Variants in CATSPERB observed in about 807,000 individuals in gnomAD.
The protein encoded by CATSPERB is catsper channel auxiliary subunit beta.
Under a neutral mutation model 128.3 loss-of-function variants are expected in CATSPERB, and 93 were observed. The observed-to-expected ratio is 0.72, with a 90% CI of 0.61 to 0.86. The LOEUF is 0.86. Ranked by LOEUF, CATSPERB falls within the 40% of genes least tolerant of loss-of-function variation. The probability of loss-of-function intolerance (pLI) is 0.00; values close to 1 mark genes in which losing one functional copy is unlikely to be tolerated. For synonymous variants in CATSPERB, 381 were observed against 448.8 expected (o/e 0.85, Z 1.91); for missense variants, 1,153 against 1,329.5 (o/e 0.87, Z 2.06).
intron 13 of CATSPERB, 93 bp downstream of exon 13, chr14:91,672,774 C>A: frequency 9.9e-7 from 1 of 1,008,530 alleles, no homozygotes; most frequent in South Asian, 2.1e-5. Context: ...GTTCTATTGC[C>A]AGACATAACA....
intron 26 of CATSPERB, among the ~76,000 whole-genome samples, chr14:91,583,451 CATTT>C (rs1490365707): frequency 6.6e-6 from 1 of 152,120 alleles, no homozygotes; most frequent in Non-Finnish European, 1.5e-5. Flanking sequence ...TTATTTAAGC[CATTT>C]ATTATATTTC....
chr14:91,597,514 G>A (rs1257935343), intron 22 of CATSPERB, among the ~76,000 whole-genome samples: 1 of 152,028 alleles, frequency 6.6e-6, no homozygotes, highest in Admixed American at 6.6e-5. Context: ...GTTCTTTAAT[G>A]CTTCAAGAAA....
intron 13 of CATSPERB, among the ~76,000 whole-genome samples, chr14:91,672,476 G>T (rs1248214627): frequency 6.6e-6 from 1 of 151,956 alleles, no homozygotes; most frequent in Non-Finnish European, 1.5e-5. Context: ...GCTCTAAGAA[G>T]AATTCTAATT....
chr14:91,587,477 CTTTTTTTTT>C (rs3029803), intron 25 of CATSPERB, among the ~76,000 whole-genome samples: 24 of 101,544 alleles, frequency 2.4e-4, no homozygotes, highest in Admixed American at 3.2e-4. Flanking sequence ...ATAGCTGATA[CTTTTTTTTT>C]TTTTTTTTTT....
Position 91,621,693 on chromosome 14 carries a change from A to G in CATSPERB, c.2175T>C (p.Asp725=). 1 of 1,613,872 alleles carries G rather than the reference A, an allele frequency of 6.2e-7. No individual in the cohort carries two copies. The highest frequency in any genetic ancestry group is 8.5e-7 in the Non-Finnish European group (1 of 1,179,716). ...TCACGATGTTGAGGGATGGTGAATC[A>G]TCATGTTGAAACCAATAATTACATG... The part of the protein sequence containing the change: ...SKPCNYWFQH[D]DSPSLNIVKY... Residue 725 remains aspartate, a synonymous_variant, in exon 19 of 27, where the codon GAT becomes GAC. Transcript: ENST00000256343.
rs556692317 is a variant in CATSPERB at position 91,689,242 on chromosome 14, G to GC, written c.864+2280dup. 3.3e-5 allele frequency among the ~76,000 whole-genome samples: 5 copies of GC among 152,292 alleles called. No individual in the cohort carries two copies. The East Asian group carries it at 9.6e-4, about 29-fold the overall frequency. On this transcript the variant is annotated intron_variant, in intron 10 of 26. Transcript: ENST00000256343. ...CTTCCCTAGGATTTCGCGGAGCTCT[G>GC]CCAGCCAAACTCCCTCCAGAATCCT... is the stretch of plus-strand genomic sequence containing the variant.
Position 91,668,951 on chromosome 14 carries a change from G to A in CATSPERB, c.1287+863C>T, listed in dbSNP as rs145117149. 1.4e-3 allele frequency among the ~76,000 whole-genome samples: 219 copies of A among 152,300 alleles called. 1 individual carries two copies. The highest frequency in any genetic ancestry group is 2.4e-3 in the Non-Finnish European group (163 of 68,024). ...AAGTCAGCGAAACCAAGAACCCACC[G>A]GAAGGAACCAATTCCAGACACAATG... On this transcript the variant is annotated intron_variant, in intron 14 of 26. Coordinates refer to ENST00000256343, the MANE Select transcript of CATSPERB (RefSeq NM_024764.4).
chr14:91,606,171 GT>G (rs1893699290), intron 22 of CATSPERB, among the ~76,000 whole-genome samples: 1 of 151,864 alleles, frequency 6.6e-6, no homozygotes, highest in Admixed American at 6.6e-5. Context: ...GCAAGACTCC[GT>G]CTCAAACAAA....
intron 19 of CATSPERB, among the ~76,000 whole-genome samples, chr14:91,617,954 TCA>T (rs1328254468): frequency 6.6e-6 from 1 of 152,168 alleles, no homozygotes; most frequent in Non-Finnish European, 1.5e-5. Flanking sequence ...TTCTTGAATC[TCA>T]CACAAGAAAG....
intron 24 of CATSPERB, among the ~76,000 whole-genome samples, 187 bp downstream of exon 24, chr14:91,589,347 T>A (rs2139758150): frequency 6.6e-6 from 1 of 152,360 alleles, no homozygotes; most frequent in Middle Eastern, 3.4e-3. Context: ...TCCAGGCCAC[T>A]GGGAGTGATG....
Position 91,669,835 on chromosome 14 carries a change from A to G in CATSPERB, c.1266T>C (p.Phe422=), listed in dbSNP as rs930464012. 2 of 1,612,804 alleles carry G rather than the reference A, an allele frequency of 1.2e-6. No individual in the cohort carries two copies. Among genetic ancestry groups the G allele is most frequent in the Non-Finnish European group, 1.7e-6 (2 of 1,179,634 alleles). The change falls in exon 14 of 27, where the codon TTT becomes TTC. Residue 422 remains phenylalanine (F), a synonymous_variant. Transcript: ENST00000256343. The stretch of plus-strand genomic sequence containing the variant: ...GCACCTGATTGCCATAAGCATACAA[A>G]AAGTGGCTTCGGGGATGAAATACCA... ...VGMVFHPRSH[F]LYAYGNQIWL...
At position 91,621,977 on chromosome 14, in the gene CATSPERB, A is replaced by T. The variant is rs143141864; in HGVS notation, c.1931-40T>A. 438 of 1,385,742 alleles carry T rather than the reference A, an allele frequency of 3.2e-4. 1 individual carries two copies. In the African/African-American group the frequency reaches 5.8e-3, roughly 18 times the overall value. The allele number at this position is 1,385,742 out of a possible 1,614,324, so 85.8% of individuals were successfully genotyped here. A position where few individuals can be genotyped will look rare whatever the true frequency, so the allele number is the denominator to read the frequency against. ...GAAGAGACTTGGTATTAAATCAAAC[A>T]TCCGATGTTTGCCAAACAAACTGAT... is the stretch of plus-strand genomic sequence containing the variant. On this transcript the variant is annotated intron_variant, in intron 18 of 26. Transcript: ENST00000256343.
chr14:91,589,330 C>T (rs1035788698), intron 24 of CATSPERB, among the ~76,000 whole-genome samples: 1 of 152,108 alleles, frequency 6.6e-6, no homozygotes, highest in Non-Finnish European at 1.5e-5. Flanking sequence ...ATGCTTTTAC[C>T]CTAGAATCCA....
chr14:91,645,529 G>T lies in CATSPERB; in HGVS notation c.1433-6279C>A, dbSNP rs1322847946. Among the ~76,000 whole-genome samples the T allele has an allele frequency of 6.9e-5, 7 of 101,446 alleles. No homozygotes were observed. In the South Asian group the frequency reaches 1.4e-3, roughly 21 times the overall value. 66.6% of individuals were successfully genotyped at this position (101,446 alleles called of 152,430 possible). A position where few individuals can be genotyped will look rare whatever the true frequency, so the allele number is the denominator to read the frequency against. On this transcript the variant is annotated intron_variant, in intron 15 of 26. Transcript: ENST00000256343. ...CCCAGTTAGGCTGCTCGGGGGTCAG[G>T]GGTCAGGGACCCACTTGAGGAGGCA...
chr14:91,723,035 T>TA lies in CATSPERB; in HGVS notation c.309+13dup. ...GTTAATAACATATCACAGAGTAAGA[T>TA]AAAATGTAATTACCAACGTTAAATT... On this transcript the variant is annotated intron_variant, in intron 4 of 26. Coordinates refer to ENST00000256343, the MANE Select transcript of CATSPERB (RefSeq NM_024764.4). The TA allele has an allele frequency of 6.7e-7, 1 of 1,492,186 alleles. No individual in the cohort carries two copies. Among genetic ancestry groups the TA allele is most frequent in the East Asian group, 2.5e-5 (1 of 40,656 alleles). The allele number at this position is 1,492,186 out of a possible 1,614,324, so 92.4% of individuals were successfully genotyped here. A position where few individuals can be genotyped will look rare whatever the true frequency, so the allele number is the denominator to read the frequency against.
At chr14:91,660,833 T>C (rs1894866991) in intron 14 of CATSPERB, among the ~76,000 whole-genome samples, 1 of 152,200 alleles carries the variant, frequency 6.6e-6, no homozygotes, top group African/African-American at 2.4e-5. Context: ...GGTGACCAGT[T>C]AATCGGTTTG....
chr14:91,632,229 A>G (rs1359961645), intron 17 of CATSPERB, among the ~76,000 whole-genome samples: 2 of 152,188 alleles, frequency 1.3e-5, no homozygotes, highest in African/African-American at 4.8e-5. Flanking sequence ...AAGCAGGTGA[A>G]AGTTAAAGGA....
chr14:91,639,352 G>A (rs1894446548), intron 15 of CATSPERB, 102 bp from the exon 16 acceptor site: 2 of 950,264 alleles, frequency 2.1e-6, no homozygotes, highest in Non-Finnish European at 3.1e-6. Context: ...ACTAAGAGGT[G>A]GAAGTAGGGC....
intron 15 of CATSPERB, among the ~76,000 whole-genome samples, chr14:91,656,620 CAG>C (rs1014928703): frequency 6.6e-6 from 1 of 151,902 alleles, no homozygotes; most frequent in African/African-American, 2.4e-5. Flanking sequence ...ACAAAACAAT[CAG>C]AAAAAAATGA....
Sources: gnomAD v4.1 joint callset for allele counts (sites outside exome capture counted in the v4.1 genomes callset) on GRCh38, gnomAD v4.1.1 for gene constraint, MANE v1.5 for transcripts, NCBI Gene and HGNC (gene_info 2026-07-23, HGNC 2026-07-21) for gene names.